PKD1: variants seen among roughly 807,000 people sequenced by gnomAD.
PKD1 encodes the protein polycystin-1.
Under a neutral mutation model 361.7 loss-of-function variants are expected in PKD1, and 81 were observed. The observed-to-expected ratio is 0.22, with a 90% CI of 0.19 to 0.27. PKD1 has a LOEUF of 0.27. Ranked by LOEUF, PKD1 falls within the 10% of genes least tolerant of loss-of-function variation. The pLI is 1.00. For missense variants in PKD1, 6,399 were observed against 6,118.3 expected, an observed-to-expected ratio of 1.05 and a Z score of -1.53; for synonymous variants, 3,615 against 2,818.3, an observed-to-expected ratio of 1.28 and a Z score of -8.95.
Position 2,105,578 on chromosome 16 carries a change from G to A in PKD1, c.7864-104C>T, listed in dbSNP as rs548100834. ...GGGGTGCAGTTACGTGCTAGACGCT[G>A]TGTGATGCGGGCACTGACCCACAAC... On this transcript the variant is annotated intron_variant, in intron 20 of 45. Transcript: ENST00000262304. 58 of 1,592,776 alleles carry A rather than the reference G, an allele frequency of 3.6e-5. No individual in the cohort carries two copies. In the African/African-American group the frequency reaches 4.9e-4, roughly 14 times the overall value.
Position 2,111,064 on chromosome 16 carries a change from G to A in PKD1, c.4103C>T (p.Ala1368Val), listed in dbSNP as rs562184754. 27 of 1,610,538 alleles carry A rather than the reference G, an allele frequency of 1.7e-5. No homozygotes were observed. The highest frequency in any genetic ancestry group is 1.7e-4 in the Admixed American group (10 of 59,994). Reference protein sequence around the residue: ...ALVLSSRVNRAHYFTSICVEP... With the variant: ...ALVLSSRVNRVHYFTSICVEP... ...CACGCAGATGCTGGTGAAGTAATGC[G>A]CCCTGTTCACGCGGCTGGACAGCAC... Residue 1368 changes from alanine to valine, a missense_variant, in exon 15 of 46, where the codon GCG (alanine) becomes GTG (valine). By Grantham distance (64) the Ala-to-Val change is moderately conservative. Coordinates refer to ENST00000262304, the MANE Select transcript of PKD1 (RefSeq NM_001009944.3).
intron 7 of PKD1, 43 bp from the exon 8 acceptor site, chr16:2,116,687 G>A (rs772961415): frequency 8.0e-6 from 10 of 1,254,034 alleles, no homozygotes; most frequent in African/African-American, 4.4e-5. Flanking sequence ...CCAGGGCCCA[G>A]GACACCAGGA....
chr16:2,099,896 G>A lies in PKD1; in HGVS notation c.9888C>T (p.Ala3296=), dbSNP rs762953011. Residue 3296 remains alanine, a synonymous_variant, in exon 29 of 46, where the codon GCC becomes GCT. Coordinates refer to ENST00000262304, the MANE Select transcript of PKD1 (RefSeq NM_001009944.3). ...LLICLFLGAN[A]VWYGAVGDSA... The stretch of plus-strand genomic sequence containing the variant: ...AGTCGCCAACAGCCCCGTACCACAC[G>A]GCGTTGGCGCCCAGGAAGAGGCAGA... The A allele has an allele frequency of 2.3e-5, 36 of 1,566,484 alleles. No homozygotes were observed. The highest frequency in any genetic ancestry group is 2.3e-4 in the Middle Eastern group (1 of 4,396).
In PKD1 at chr16:2,093,943, C is replaced by G. The variant is rs2091727474; in HGVS notation, c.10689G>C (p.Leu3563=). The G allele has an allele frequency of 4.4e-6, 7 of 1,586,306 alleles. No individual in the cohort carries two copies. The highest frequency in any genetic ancestry group is 6.0e-6 in the Non-Finnish European group (7 of 1,170,152). The change falls in exon 36 of 46, where the codon CTG becomes CTC. Residue 3563 remains leucine, a synonymous_variant. Transcript: ENST00000262304. ...CAGCCACAGCCACAGCCACCAGGAG[C>G]AGGCTGAGCCCGTGGGCCAGGGAGG... is the stretch of plus-strand genomic sequence containing the variant. ...WCASLAHGLS[L]LLVAVAVAVS...
rs2091260004 is a variant in PKD1, at chr16:2,088,831, AGGGCCTTGAGGCTGCCT to A, written c.*879_*895del. 1 of 618,284 alleles carries A rather than the reference AGGGCCTTGAGGCTGCCT, an allele frequency of 1.6e-6. No individual in the cohort carries two copies. The highest frequency in any genetic ancestry group is 3.0e-5 in the Admixed American group (1 of 33,322). The allele number at this position is 618,284 out of a possible 1,614,324, so 38.3% of individuals were successfully genotyped here. On this transcript the variant is annotated 3_prime_UTR_variant, in exon 46 of 46. Transcript: ENST00000262304. ...ACAGAAGCAGGCACAGCCAGCTCCG[AGGGCCTTGAGGCTGCCT>A]GGGCCATACAGCACACTCGCGCGTG...
intron 26 of PKD1, among the ~76,000 whole-genome samples, chr16:2,101,591 C>A (rs574840149): frequency 6.6e-6 from 1 of 152,330 alleles, no homozygotes; most frequent in East Asian, 1.9e-4. Context: ...GCACTCCAGC[C>A]TGGGCAACAG....
chr16:2,101,457 A>G (rs1041569402), intron 26 of PKD1, among the ~76,000 whole-genome samples: 8 of 152,022 alleles, frequency 5.3e-5, no homozygotes, highest in African/African-American at 1.4e-4. Context: ...CCTGGCTGAC[A>G]TGGTGAAAAA....
chr16:2,089,644 G>A lies in PKD1; in HGVS notation c.*83C>T, dbSNP rs2091364517. 1 of 1,491,306 alleles carries A rather than the reference G, an allele frequency of 6.7e-7. No individual in the cohort carries two copies. Among genetic ancestry groups the A allele is most frequent in the Non-Finnish European group, 9.1e-7 (1 of 1,098,890 alleles). The allele number at this position is 1,491,306 out of a possible 1,614,324, so 92.4% of individuals were successfully genotyped here. On this transcript the variant is annotated 3_prime_UTR_variant, in exon 46 of 46. Coordinates refer to ENST00000262304, the MANE Select transcript of PKD1 (RefSeq NM_001009944.3). ...AACCTACGTGCAGCCATTCTGCCTG[G>A]CCCTCGGCCTTGACAGCGGCAGAAA...
At position 2,110,699 on chromosome 16, in the gene PKD1, C is replaced by T. The variant is rs748823800; in HGVS notation, c.4468G>A (p.Val1490Met). ...ELQQPYLFSA[V>M]GRGRPASYLW... ...TAGCTGGCGGGGCGCCCACGGCCCACAGCAGAGAACAGGTACGGCTGCTGC... is the reference window on the plus strand; with the variant it reads ...TAGCTGGCGGGGCGCCCACGGCCCATAGCAGAGAACAGGTACGGCTGCTGC... Residue 1490 changes from valine to methionine, a missense_variant, in exon 15 of 46, where the codon GTG becomes ATG. By Grantham distance (21) the Val-to-Met change is conservative. Transcript: ENST00000262304. The T allele has an allele frequency of 3.7e-6, 6 of 1,610,536 alleles. No homozygotes were observed. The East Asian group carries it at 8.9e-5, about 24-fold the overall frequency.
chr16:2,091,798 G>T lies in PKD1; in HGVS notation c.11520C>A (p.His3840Gln), dbSNP rs1320085828. 2 of 1,611,052 alleles carry T rather than the reference G, an allele frequency of 1.2e-6. No homozygotes were observed. The highest frequency in any genetic ancestry group is 2.2e-5 in the East Asian group (1 of 44,812). The stretch of plus-strand genomic sequence containing the variant: ...GCTCCCACCTGTTGTCCAGCCAGTT[G>T]TGCAGCTGCAGGAAGCGCAGCCGGT... The part of the protein sequence containing the change: ...SRDRLRFLQL[H>Q]NWLDNRSRAV... The change falls in exon 41 of 46, where the codon CAC becomes CAA. Residue 3840 changes from histidine to glutamine, a missense_variant. His to Gln is a conservative substitution (Grantham distance 24). Coordinates refer to ENST00000262304, the MANE Select transcript of PKD1 (RefSeq NM_001009944.3).
At chr16:2,094,232 G>A (rs774653853) in intron 34 of PKD1, 22 bp from the exon 35 acceptor site, 3 of 1,446,462 alleles carry the variant, frequency 2.1e-6, no homozygotes, top group Non-Finnish European at 2.9e-6. Context: ...GGTAGGCTGT[G>A]AATTCATCCC....
Position 2,102,363 on chromosome 16 carries a change from G to C in PKD1, c.9201+18C>G, listed in dbSNP as rs1272309813. 4.5e-6 allele frequency: 7 copies of C among 1,552,270 alleles called. No homozygotes were observed. The highest frequency in any genetic ancestry group is 6.1e-6 in the Non-Finnish European group (7 of 1,148,798). On this transcript the variant is annotated intron_variant, in intron 25 of 45. Transcript: ENST00000262304. ...TCCTCGACTCTGCAGAGGCTCCCAG[G>C]AGCACAGGGTCACTCACAGGAAACA...
At position 2,110,283 on chromosome 16, in the gene PKD1, G is replaced by C. The variant is rs770255086; in HGVS notation, c.4884C>G (p.Val1628=). Residue 1628 remains valine, a synonymous_variant, in exon 15 of 46, where the codon GTC becomes GTG. Coordinates refer to ENST00000262304, the MANE Select transcript of PKD1 (RefSeq NM_001009944.3). ...GSAQDSIFVY[V]LQLIEGLQVV... is the part of the protein sequence containing the mutation. ...CCTGCAGCCCCTCTATGAGCTGCAG[G>C]ACATAGACGAAGATGCTGTCCTGGG... 1.4e-5 allele frequency: 23 copies of C among 1,612,496 alleles called. No individual in the cohort carries two copies. The East Asian group carries it at 4.0e-4, about 28-fold the overall frequency.
chr16:2,121,749 G>GA (rs1170210729), intron 1 of PKD1, among the ~76,000 whole-genome samples: 1 of 306 alleles, frequency 3.3e-3, no homozygotes, highest in African/African-American at 0.038. Context: ...TCCTGGCACA[G>GA]GACTATGGCT....
chr16:2,091,504 G>A lies in PKD1; in HGVS notation c.11631C>T (p.Gly3877=). The A allele has an allele frequency of 1.4e-6, 2 of 1,430,730 alleles. No homozygotes were observed. The highest frequency in any genetic ancestry group is 1.4e-5 in the South Asian group (1 of 72,476). 88.6% of individuals were successfully genotyped at this position (1,430,730 alleles called of 1,614,324 possible). ...GGACGCTGAGGGCGGCCAGGGCGCG[G>A]CCGGCCGCCGGGAACTCGAGGCGCA... ...VTLRLEFPAA[G]RALAALSVRP... Residue 3877 remains glycine (G), a synonymous_variant, in exon 42 of 46, where the codon GGC becomes GGT. Transcript: ENST00000262304.
intron 34 of PKD1, 141 bp from the exon 35 acceptor site, chr16:2,094,351 C>T (rs2091751357): frequency 1.5e-6 from 1 of 685,798 alleles, no homozygotes; most frequent in African/African-American, 1.8e-5. Flanking sequence ...GACCCTACCC[C>T]AAACGAGAGT....
chr16:2,123,431 G>A (rs2151835769), intron 1 of PKD1: 2 of 456,334 alleles, frequency 4.4e-6, no homozygotes, highest in African/African-American at 4.0e-5. Flanking sequence ...TTCAGGGACA[G>A]GGAACAGCAC....
In PKD1 at chr16:2,106,695, G is replaced by A. The variant is rs751438298; in HGVS notation, c.7210-18C>T. 1.9e-6 allele frequency: 3 copies of A among 1,588,366 alleles called. No individual in the cohort carries two copies. In the African/African-American group the frequency reaches 4.0e-5, roughly 21 times the overall value. ...GCCCACCGCTGCAGGCAGAAGGGGT[G>A]GTGAGGGGGCGCAACCCTCTGCCCT... On this transcript the variant is annotated intron_variant, in intron 17 of 45. Coordinates refer to ENST00000262304, the MANE Select transcript of PKD1 (RefSeq NM_001009944.3). The surrounding 1 kb of genome is among the most constrained non-coding windows in gnomAD (Gnocchi z 6.5).
At chr16:2,127,429 C>T (rs1244054098) in intron 1 of PKD1, among the ~76,000 whole-genome samples, 3 of 152,206 alleles carry the variant, frequency 2.0e-5, no homozygotes, top group South Asian at 4.1e-4. Flanking sequence ...CTGAAGGCAC[C>T]GAGGCTGGGT....
Sources: allele counts gnomAD v4.1 joint callset (sites outside exome capture counted in the v4.1 genomes callset), GRCh38; gene constraint gnomAD v4.1.1; non-coding constraint Gnocchi (gnomAD v3.1); transcripts MANE v1.5; gene names NCBI Gene and HGNC (gene_info 2026-07-23, HGNC 2026-07-21).